Variants in CWC27 observed in about 807,000 individuals in gnomAD.
CWC27 encodes the protein CWC27 spliceosome associated cyclophilin, also known as spliceosome-associated protein CWC27 homolog.
Under a neutral mutation model 63.6 loss-of-function variants are expected in CWC27, and 47 were observed. That is an observed-to-expected ratio of 0.74 (90% CI 0.58 to 0.94). CWC27 has a LOEUF of 0.94. Among genes scored for constraint, CWC27 ranks in the 40% least tolerant of loss-of-function variants. The pLI is 0.00. For synonymous variants in CWC27, 175 were observed against 179.8 expected, an observed-to-expected ratio of 0.97 and a Z score of 0.22; for missense variants, 495 against 554.3, an observed-to-expected ratio of 0.89 and a Z score of 1.07.
At chr5:64,876,818 TAGACTGAC>T in intron 10 of CWC27, among the ~76,000 whole-genome samples, 1 of 152,106 alleles carries the variant, frequency 6.6e-6, no homozygotes, top group East Asian at 1.9e-4. Flanking sequence ...AAATAAAAAC[TAGACTGAC>T]AGTTATGCAA....
intron 10 of CWC27, among the ~76,000 whole-genome samples, chr5:64,824,728 C>CTTTTTTTTTTTTTT (rs768576527): frequency 1.6e-4 from 15 of 91,986 alleles, no homozygotes; most frequent in Non-Finnish European, 2.1e-4. Flanking sequence ...TTTCTTTTCT[C>CTTTTTTTTTTTTTT]TTTTTTTTTT....
intron 10 of CWC27, 93 bp downstream of exon 10, chr5:64,804,479 A>C: frequency 1.6e-6 from 2 of 1,252,350 alleles, no homozygotes; most frequent in Non-Finnish European, 2.1e-6. Context: ...AATTTTTAAA[A>C]TACTATTTTC....
At chr5:64,781,259 A>T (rs1479766274) in intron 2 of CWC27, among the ~76,000 whole-genome samples, 1 of 152,154 alleles carries the variant, frequency 6.6e-6, no homozygotes, top group Non-Finnish European at 1.5e-5. Context: ...AAACTGAGCT[A>T]ATTGGACTCA....
chr5:64,884,160 A>G (rs6898106), intron 10 of CWC27: 56,573 of 151,934 alleles, frequency 0.37, 11,227 homozygotes, highest in East Asian at 0.51. Flanking sequence ...ATCCAGTTTG[A>G]ATAGATAGCC....
chr5:64,940,842 C>CT (rs70983655), intron 11 of CWC27, among the ~76,000 whole-genome samples: 2,576 of 64,832 alleles, frequency 0.04, 67 homozygotes, highest in Non-Finnish European at 0.048. Flanking sequence ...TTCTTTCTTT[C>CT]TTTTTTTTTT....
rs577511707 is a variant in CWC27 at position 64,852,120 on chromosome 5, G to A, written c.939-33323G>A. Among the ~76,000 whole-genome samples, 6 of 152,216 alleles carry A rather than the reference G, an allele frequency of 3.9e-5. No homozygotes were observed. In the South Asian group the frequency reaches 1.0e-3, roughly 26 times the overall value. On this transcript the variant is annotated intron_variant, in intron 10 of 13. Coordinates refer to ENST00000381070, the MANE Select transcript of CWC27 (RefSeq NM_005869.4). ...AATCTTCTACTAGTATTAAAACACA[G>A]AAATGTTCTTAGAGAGGGAAACATA... is the stretch of plus-strand genomic sequence containing the variant.
At chr5:64,946,797 G>A (rs1748600174) in intron 11 of CWC27, among the ~76,000 whole-genome samples, 1 of 151,730 alleles carries the variant, frequency 6.6e-6, no homozygotes, top group African/African-American at 2.4e-5. Flanking sequence ...CTAGGTTAAA[G>A]GTGATTTTTG....
intron 10 of CWC27, among the ~76,000 whole-genome samples, chr5:64,824,728 CTTTTT>C (rs768576527): frequency 1.1e-5 from 1 of 91,986 alleles, no homozygotes; most frequent in African/African-American, 4.4e-5. Context: ...TTTCTTTTCT[CTTTTT>C]TTTTTTTTTT....
intron 11 of CWC27, among the ~76,000 whole-genome samples, chr5:64,964,573 CA>C (rs1748978432): frequency 6.6e-6 from 1 of 152,130 alleles, no homozygotes; most frequent in African/African-American, 2.4e-5. Flanking sequence ...TGCAGGCATA[CA>C]GACACAAAGA....
At chr5:65,000,013 T>C in intron 13 of CWC27, among the ~76,000 whole-genome samples, 1 of 152,104 alleles carries the variant, frequency 6.6e-6, no homozygotes. Flanking sequence ...TTGCTGTCTC[T>C]TTCATAATGA....
At chr5:64,991,658 T>G (rs1749539435) in intron 13 of CWC27, among the ~76,000 whole-genome samples, 1 of 152,218 alleles carries the variant, frequency 6.6e-6, no homozygotes, top group South Asian at 2.1e-4. Flanking sequence ...CCCAGGAGTT[T>G]GAGGTTACAG....
chr5:64,827,703 C>T (rs1461705069), intron 10 of CWC27, among the ~76,000 whole-genome samples: 2 of 152,066 alleles, frequency 1.3e-5, no homozygotes, highest in Non-Finnish European at 2.9e-5. Flanking sequence ...ATATCATATT[C>T]TCTTTTTCTG....
intron 11 of CWC27, among the ~76,000 whole-genome samples, chr5:64,944,451 C>G (rs1737038934): frequency 6.6e-6 from 1 of 152,114 alleles, no homozygotes; most frequent in African/African-American, 2.4e-5. Flanking sequence ...AGTTTTTTCT[C>G]TCTTATACTA....
chr5:65,018,400 C>A lies in CWC27; in HGVS notation c.*79C>A. On this transcript the variant is annotated 3_prime_UTR_variant, in exon 14 of 14. Transcript: ENST00000381070. ...TAACAGCCATTGTTCCCAACAGCAT[C>A]ACTTAGGGGTGTGAAAAGAAGTATT... 1 of 1,191,810 alleles carries A rather than the reference C, an allele frequency of 8.4e-7. No individual in the cohort carries two copies. The highest frequency in any genetic ancestry group is 1.2e-6 in the Non-Finnish European group (1 of 868,016). The allele number at this position is 1,191,810 out of a possible 1,614,324, so 73.8% of individuals were successfully genotyped here.
chr5:64,889,978 A>G (rs755335993), intron 11 of CWC27, among the ~76,000 whole-genome samples: 105 of 152,288 alleles, frequency 6.9e-4, no homozygotes, highest in Non-Finnish European at 1.1e-3. Flanking sequence ...AATCCTTTTC[A>G]TTAAATCATG....
rs1405970752 is a variant in CWC27 at position 65,017,182 on chromosome 5, G to A, written c.1257-977G>A. On this transcript the variant is annotated intron_variant, in intron 13 of 13. Coordinates refer to ENST00000381070, the MANE Select transcript of CWC27 (RefSeq NM_005869.4). ...TAAAAATACAAAAAATTAGCCAGGC[G>A]TGGTGGCAAATCTCTGTAGTCCCAG... 4.6e-5 allele frequency among the ~76,000 whole-genome samples: 7 copies of A among 152,088 alleles called. No homozygotes were observed. In the South Asian group the frequency reaches 8.3e-4, roughly 18 times the overall value.
At chr5:64,792,053 T>C (rs1257648849) in intron 7 of CWC27, among the ~76,000 whole-genome samples, 1 of 152,080 alleles carries the variant, frequency 6.6e-6, no homozygotes, top group African/African-American at 2.4e-5. Context: ...AGAGCAGCCT[T>C]CCTGAAGCTT....
At chr5:64,804,158 G>T in intron 9 of CWC27, 71 bp from the exon 10 acceptor site, 1 of 1,339,584 alleles carries the variant, frequency 7.5e-7, no homozygotes. Context: ...AGATTCAGTG[G>T]ATGCAATAGA....
intron 2 of CWC27, among the ~76,000 whole-genome samples, chr5:64,780,597 T>G (rs370173082): frequency 1.1e-4 from 17 of 148,226 alleles, no homozygotes; most frequent in East Asian, 5.8e-4. Flanking sequence ...TAATTACTTA[T>G]ATATTATATA....
Sources: gnomAD v4.1 joint callset for allele counts (sites outside exome capture counted in the v4.1 genomes callset) on GRCh38, gnomAD v4.1.1 for gene constraint, MANE v1.5 for transcripts, NCBI Gene and HGNC (gene_info 2026-07-23, HGNC 2026-07-21) for gene names.